The following DPP10 variants were observed in gnomAD, a reference collection of about 807,000 sequenced individuals.
The protein encoded by DPP10 is inactive dipeptidyl peptidase 10.
A neutral mutation model predicts 120.9 loss-of-function variants in DPP10; 33 were observed. That is an observed-to-expected ratio of 0.27 (90% CI 0.21 to 0.37). DPP10 has a LOEUF of 0.37. DPP10 is among the 10% of genes least tolerant of loss of function. DPP10 has a pLI of 1.00. For synonymous variants in DPP10, 337 were observed against 326.1 expected (o/e 1.03, Z -0.36); for missense variants, 816 against 942.8 (o/e 0.87, Z 1.76).
intron 1 of DPP10, among the ~76,000 whole-genome samples, chr2:114,594,266 A>G (rs1008252355): frequency 1.3e-5 from 2 of 151,918 alleles, no homozygotes; most frequent in African/African-American, 4.8e-5. Flanking sequence ...CAAGTTTTTC[A>G]GTTTTGAGAC....
At chr2:115,358,328 C>A (rs1417701042) in intron 3 of DPP10, among the ~76,000 whole-genome samples, 1 of 152,188 alleles carries the variant, frequency 6.6e-6, no homozygotes, top group African/African-American at 2.4e-5. Flanking sequence ...AAAATGCTGC[C>A]AGTCTCTTTG....
chr2:115,599,705 G>A (rs1400845099), intron 5 of DPP10, among the ~76,000 whole-genome samples: 1 of 152,006 alleles, frequency 6.6e-6, no homozygotes, highest in East Asian at 1.9e-4. Flanking sequence ...GAGTAATTTT[G>A]AATTGCATCC....
intron 19 of DPP10, among the ~76,000 whole-genome samples, chr2:115,800,328 G>T (rs1685052205): frequency 6.6e-6 from 1 of 151,952 alleles, no homozygotes; most frequent in South Asian, 2.1e-4. Context: ...GTAGATTCTG[G>T]ATATTAGCCC....
intron 5 of DPP10, among the ~76,000 whole-genome samples, chr2:115,642,555 T>C (rs768838521): frequency 6.6e-6 from 1 of 152,122 alleles, no homozygotes; most frequent in Non-Finnish European, 1.5e-5. Flanking sequence ...GCACAGTCCC[T>C]AAAATAAATT....
chr2:114,694,509 A>G (rs1699954204), intron 1 of DPP10, among the ~76,000 whole-genome samples: 1 of 151,992 alleles, frequency 6.6e-6, no homozygotes, highest in Non-Finnish European at 1.5e-5. Context: ...AATAAAATGG[A>G]GAAATTTGCA....
chr2:115,419,077 A>G (rs2069699931), intron 3 of DPP10, among the ~76,000 whole-genome samples: 1 of 152,196 alleles, frequency 6.6e-6, no homozygotes, highest in African/African-American at 2.4e-5. Flanking sequence ...CCTTTACAGC[A>G]ACATCTAGTG....
chr2:115,499,664 A>G, intron 4 of DPP10, 60 bp downstream of exon 4: 4 of 1,288,754 alleles, frequency 3.1e-6, no homozygotes, highest in South Asian at 2.7e-5. Context: ...AGCTCTCTAG[A>G]TGTACATAAC....
At chr2:115,301,333 T>G (rs1004739630) in intron 1 of DPP10, among the ~76,000 whole-genome samples, 3 of 151,840 alleles carry the variant, frequency 2.0e-5, no homozygotes, top group African/African-American at 7.3e-5. Context: ...TATATATTCA[T>G]TTTCGTCTGA....
chr2:114,878,440 G>A (rs1358626304), intron 1 of DPP10, among the ~76,000 whole-genome samples: 2 of 152,078 alleles, frequency 1.3e-5, no homozygotes, highest in Non-Finnish European at 2.9e-5. Flanking sequence ...GAAATTTCAA[G>A]TAGTCTCTTC....
chr2:115,361,110 A>G (rs2064736736), intron 3 of DPP10, among the ~76,000 whole-genome samples: 6 of 151,992 alleles, frequency 3.9e-5, no homozygotes, highest in Admixed American at 3.3e-4. Flanking sequence ...TGAGGATGGC[A>G]GATAGGCCAC....
intron 1 of DPP10, among the ~76,000 whole-genome samples, chr2:115,281,745 A>C (rs1243643479): frequency 6.6e-6 from 1 of 152,182 alleles, no homozygotes; most frequent in Admixed American, 6.5e-5. Flanking sequence ...TAGGATATAA[A>C]TATACATGAT....
At chr2:115,116,375 T>C (rs1369251261) in intron 1 of DPP10, among the ~76,000 whole-genome samples, 1 of 152,214 alleles carries the variant, frequency 6.6e-6, no homozygotes, top group East Asian at 1.9e-4. Context: ...TATATTTTCA[T>C]CTATAACCTC....
At chr2:115,064,081 C>G (rs551228220) in intron 1 of DPP10, among the ~76,000 whole-genome samples, 1 of 152,204 alleles carries the variant, frequency 6.6e-6, no homozygotes, top group East Asian at 1.9e-4. Flanking sequence ...TTAACTTTCT[C>G]ACTTTCACAC....
chr2:115,601,271 A>T (rs966064599), intron 5 of DPP10, among the ~76,000 whole-genome samples: 4 of 152,330 alleles, frequency 2.6e-5, no homozygotes, highest in East Asian at 1.9e-4. Flanking sequence ...CTGGACTATA[A>T]AATGTCATTA....
At chr2:114,477,810 CATAT>C (rs1680570177) in intron 1 of DPP10, among the ~76,000 whole-genome samples, 1 of 149,410 alleles carries the variant, frequency 6.7e-6, no homozygotes, top group Non-Finnish European at 1.5e-5. Flanking sequence ...CATATACATA[CATAT>C]GTGTGTATAT....
At chr2:114,929,279 G>A (rs945859611) in intron 1 of DPP10, among the ~76,000 whole-genome samples, 12 of 152,232 alleles carry the variant, frequency 7.9e-5, no homozygotes, top group East Asian at 1.9e-4. Context: ...TGCTGCGCAC[G>A]CATTATCATT....
At chr2:115,599,401 T>C (rs2083184876) in intron 5 of DPP10, among the ~76,000 whole-genome samples, 1 of 152,144 alleles carries the variant, frequency 6.6e-6, no homozygotes, top group African/African-American at 2.4e-5. Context: ...TTTAGTGAAA[T>C]TTATTGACAG....
intron 1 of DPP10, among the ~76,000 whole-genome samples, chr2:114,464,471 G>A (rs940094642): frequency 1.3e-5 from 2 of 152,020 alleles, no homozygotes; most frequent in African/African-American, 4.8e-5. Flanking sequence ...TTTGTAAGAG[G>A]TTTTCTAAAG....
At chr2:115,025,324 G>T (rs1703382904) in intron 1 of DPP10, among the ~76,000 whole-genome samples, 1 of 152,070 alleles carries the variant, frequency 6.6e-6, no homozygotes. Flanking sequence ...TACTTCAAAT[G>T]ACAGGATTTT....
Sources: gnomAD v4.1 joint callset for allele counts (sites outside exome capture counted in the v4.1 genomes callset) on GRCh38, gnomAD v4.1.1 for gene constraint, MANE v1.5 for transcripts, NCBI Gene and HGNC (gene_info 2026-07-23, HGNC 2026-07-21) for gene names.